The following SAMD13 variants were observed in gnomAD, a reference collection of about 807,000 sequenced individuals.
SAMD13 encodes sterile alpha motif domain containing 13.
In SAMD13, 9 loss-of-function variants were observed where a neutral mutation model predicts 12.4. The ratio of observed to expected loss-of-function variants is 0.72; its 90% confidence interval spans 0.44 to 1.26. The LOEUF is 1.26. Among genes scored for constraint, SAMD13 ranks in the 50% most tolerant of loss-of-function variants. The pLI, the probability that SAMD13 is intolerant of heterozygous loss-of-function variation, is 0.00. For synonymous variants in SAMD13, 46 were observed against 45.4 expected (o/e 1.01, Z -0.05); for missense variants, 84 against 119.6 (o/e 0.70, Z 1.39).
At chr1:84,325,912 G>A (rs1167099509) in intron 3 of SAMD13, among the ~76,000 whole-genome samples, 164 bp downstream of exon 3, 1 of 152,148 alleles carries the variant, frequency 6.6e-6, no homozygotes, top group Admixed American at 6.5e-5. Flanking sequence ...TGTACCAGGT[G>A]AATTATCCCT....
chr1:84,337,218 A>G (rs1448990115), intron 3 of SAMD13, among the ~76,000 whole-genome samples: 3 of 152,092 alleles, frequency 2.0e-5, no homozygotes, highest in Admixed American at 2.0e-4. Flanking sequence ...TCTCAGCTCC[A>G]CTAGGTGGTG....
At chr1:84,344,386 A>G (rs1679489336) in intron 3 of SAMD13, among the ~76,000 whole-genome samples, 1 of 152,198 alleles carries the variant, frequency 6.6e-6, no homozygotes, top group Non-Finnish European at 1.5e-5. Context: ...ATAGGAAGGC[A>G]AGGCAAGCAC....
chr1:84,325,619 TG>T lies in SAMD13; in HGVS notation c.54-16del. On this transcript the variant is annotated splice_polypyrimidine_tract_variant and intron_variant, in intron 2 of 3. Transcript: ENST00000394834. ...TGCAGGCACTGCCATGACAACTGTC[TG>T]GATTTGTGTTTTGCAGTTCCATGGA... 1 of 1,485,088 alleles carries T rather than the reference TG, an allele frequency of 6.7e-7. No homozygotes were observed. The highest frequency in any genetic ancestry group is 9.4e-7 in the Non-Finnish European group (1 of 1,062,996). 92.0% of individuals were successfully genotyped at this position (1,485,088 alleles called of 1,614,324 possible).
chr1:84,344,786 G>A (rs2101821191), intron 3 of SAMD13: 2 of 404,744 alleles, frequency 4.9e-6, no homozygotes, highest in South Asian at 3.8e-5. Context: ...CAAGAACCCA[G>A]GGAACAAAGA....
At chr1:84,319,836 C>G (rs1678904185) in intron 2 of SAMD13, among the ~76,000 whole-genome samples, 1 of 152,076 alleles carries the variant, frequency 6.6e-6, no homozygotes, top group Non-Finnish European at 1.5e-5. Context: ...AGGGAAGATA[C>G]CTATACGGAG....
chr1:84,300,714 C>T (rs1678436871), upstream of SAMD13, among the ~76,000 whole-genome samples: 1 of 152,152 alleles, frequency 6.6e-6, no homozygotes, highest in South Asian at 2.1e-4. Flanking sequence ...TGAGATTATT[C>T]TCCTGGAAAA....
chr1:84,306,301 A>AT (rs1257251294), intron 2 of SAMD13, among the ~76,000 whole-genome samples: 2 of 152,056 alleles, frequency 1.3e-5, no homozygotes, highest in Admixed American at 1.3e-4. Flanking sequence ...AATACAATTG[A>AT]TTTTTTATAT....
intron 3 of SAMD13, among the ~76,000 whole-genome samples, chr1:84,335,650 T>G (rs1445068070): frequency 2.0e-5 from 3 of 152,220 alleles, no homozygotes; most frequent in East Asian, 1.9e-4. Flanking sequence ...AGTGGGTCTA[T>G]GTACTTAAGT....
upstream of SAMD13, among the ~76,000 whole-genome samples, chr1:84,301,162 T>C (rs1572685256): frequency 6.6e-6 from 1 of 152,202 alleles, no homozygotes; most frequent in East Asian, 1.9e-4. Context: ...TCCTGCATAA[T>C]GAAGTAAAAG....
At chr1:84,327,894 G>T (rs545595877) in intron 3 of SAMD13, among the ~76,000 whole-genome samples, 2 of 152,294 alleles carry the variant, frequency 1.3e-5, no homozygotes, top group African/African-American at 4.8e-5. Context: ...AACTGCTCAG[G>T]TTGGAAAGTG....
At chr1:84,338,785 T>C (rs902002353) in intron 3 of SAMD13, among the ~76,000 whole-genome samples, 3 of 152,084 alleles carry the variant, frequency 2.0e-5, no homozygotes, top group Admixed American at 2.0e-4. Flanking sequence ...ACTTATTCAC[T>C]ATCCTGAGAA....
At chr1:84,329,904 G>A (rs1448394564) in intron 3 of SAMD13, among the ~76,000 whole-genome samples, 3 of 152,164 alleles carry the variant, frequency 2.0e-5, no homozygotes, top group Non-Finnish European at 4.4e-5. Flanking sequence ...TCACCATGTA[G>A]GGAGTCTGGC....
At chr1:84,339,028 C>A (rs1384891093) in intron 3 of SAMD13, among the ~76,000 whole-genome samples, 2 of 152,202 alleles carry the variant, frequency 1.3e-5, no homozygotes, top group Non-Finnish European at 2.9e-5. Flanking sequence ...CTTAAAATGA[C>A]CATTTCATCT....
chr1:84,344,764 G>A (rs183095017), intron 3 of SAMD13: 509 of 386,808 alleles, frequency 1.3e-3, no homozygotes, highest in Middle Eastern at 4.5e-3. Context: ...TGGCTCTGCA[G>A]GTACACCCAG....
intron 2 of SAMD13, among the ~76,000 whole-genome samples, chr1:84,310,627 A>G (rs1395659407): frequency 2.0e-5 from 3 of 152,214 alleles, no homozygotes; most frequent in African/African-American, 7.2e-5. Context: ...ATTATGTAAG[A>G]AATTATTTTC....
At chr1:84,310,608 G>T (rs370300378) in intron 2 of SAMD13, among the ~76,000 whole-genome samples, 3 of 152,098 alleles carry the variant, frequency 2.0e-5, no homozygotes, top group Non-Finnish European at 2.9e-5. Context: ...AAAGTTTTCC[G>T]ATAACTGAAT....
chr1:84,321,424 G>A (rs1678941531), intron 2 of SAMD13, among the ~76,000 whole-genome samples: 1 of 152,026 alleles, frequency 6.6e-6, no homozygotes, highest in African/African-American at 2.4e-5. Context: ...ATATTAACAT[G>A]TATTATATTC....
intron 2 of SAMD13, among the ~76,000 whole-genome samples, chr1:84,306,856 A>ATAATAATAATAAT (rs1553199897): frequency 5.6e-5 from 8 of 141,786 alleles, no homozygotes; most frequent in African/African-American, 2.1e-4. Context: ...AATAATAATA[A>ATAATAATAATAAT]AATAAAATAA....
At chr1:84,311,470 G>A (rs1678711522) in intron 2 of SAMD13, among the ~76,000 whole-genome samples, 2 of 152,028 alleles carry the variant, frequency 1.3e-5, no homozygotes, top group South Asian at 2.1e-4. Flanking sequence ...CTTAATCAAC[G>A]TGCATTGGCA....
Sources: allele counts gnomAD v4.1 joint callset (sites outside exome capture counted in the v4.1 genomes callset), GRCh38; gene constraint gnomAD v4.1.1; transcripts MANE v1.5; gene names NCBI Gene and HGNC (gene_info 2026-07-23, HGNC 2026-07-21).